MCRIP2: variants seen among roughly 807,000 people sequenced by gnomAD.
The protein encoded by MCRIP2 is MAPK regulated corepressor interacting protein 2.
In MCRIP2, 21 loss-of-function variants were observed where a neutral mutation model predicts 23.2. The ratio of observed to expected loss-of-function variants is 0.90; its 90% CI spans 0.64 to 1.30. The LOEUF is 1.30. Ranked by LOEUF, MCRIP2 falls within the 50% of genes most tolerant of loss-of-function variation. The probability of loss-of-function intolerance (pLI) is 0.00; values close to 1 mark genes in which losing one functional copy is unlikely to be tolerated. For missense variants in MCRIP2, 234 were observed against 223.2 expected (o/e 1.05, Z -0.31); for synonymous variants, 121 against 100.2 (o/e 1.21, Z -1.24).
At chr16:647,134 C>G (rs143137167) in intron 2 of MCRIP2, 37 of 468,938 alleles carry the variant, frequency 7.9e-5, no homozygotes, top group African/African-American at 7.2e-4. Context: ...GGGGCCCGAC[C>G]AAAGGTTTGG....
rs571522622 is a variant in MCRIP2 at position 646,066 on chromosome 16, G to C, written c.183-1351G>C. On this transcript the variant is annotated intron_variant, in intron 2 of 4. Coordinates refer to ENST00000307650, the MANE Select transcript of MCRIP2 (RefSeq NM_138418.4). This position sits in a 1 kb window ranked among gnomAD's most constrained non-coding sequence, Gnocchi z 6.5. ...ATCCATAGGTGCTCGCCGGGCCGGT[G>C]CCCTTTCCCCCAGAGAGCAGCAGCC... 1.3e-5 allele frequency: 2 copies of C among 152,346 alleles called. No homozygotes were observed. The highest frequency in any genetic ancestry group is 6.5e-5 in the Admixed American group (1 of 15,310). The allele number at this position is 152,346 out of a possible 1,614,324, so 9.4% of individuals were successfully genotyped here.
Position 642,189 on chromosome 16 carries a change from C to A in MCRIP2, c.122C>A (p.Thr41Asn). ...LLKCRQPAPPTSQPPRAQPFA... is the reference protein window; with the variant it reads ...LLKCRQPAPPNSQPPRAQPFA... ...AAATGCCGGCAGCCCGCGCCGCCGA[C>A]CTCGCAGCCCCCGCGGGCGCAGCCC... Residue 41 changes from threonine to asparagine, a missense_variant, in exon 2 of 5, where the codon ACC (threonine) becomes AAC (asparagine). Transcript: ENST00000307650. 3 of 1,329,794 alleles carry A rather than the reference C, an allele frequency of 2.3e-6. No homozygotes were observed. Among genetic ancestry groups the A allele is most frequent in the Non-Finnish European group, 2.9e-6 (3 of 1,037,014 alleles). The allele number at this position is 1,329,794 out of a possible 1,614,324, so 82.4% of individuals were successfully genotyped here.
In MCRIP2 at chr16:642,209, C is replaced by T; in HGVS notation, c.142C>T (p.Gln48Ter). Residue 48 changes from glutamine to a stop codon, truncating the protein, a stop_gained, in exon 2 of 5, where the codon CAG becomes TAG. Transcript: ENST00000307650. LOFTEE classifies it high-confidence loss of function. ...GCCGACCTCGCAGCCCCCGCGGGCG[C>T]AGCCCTTTGCGCAGCCGCCGGGACC... ...APPTSQPPRA[Q>*]PFAQPPGPWP... The T allele has an allele frequency of 1.5e-6, 2 of 1,293,944 alleles. No homozygotes were observed. The highest frequency in any genetic ancestry group is 9.8e-7 in the Non-Finnish European group (1 of 1,020,376). The allele number at this position is 1,293,944 out of a possible 1,614,324, so 80.2% of individuals were successfully genotyped here.
chr16:647,692 T>G (rs2037524684), intron 3 of MCRIP2, 91 bp from the exon 4 acceptor site: 6 of 1,498,794 alleles, frequency 4.0e-6, no homozygotes, highest in African/African-American at 1.4e-5. Flanking sequence ...ACCAGCCCTG[T>G]GTGGGGCTGG....
chr16:643,779 G>A (rs566075394), intron 2 of MCRIP2, among the ~76,000 whole-genome samples: 10 of 152,138 alleles, frequency 6.6e-5, no homozygotes, highest in African/African-American at 2.2e-4. Context: ...TGATCCACCC[G>A]CCTCAGCCCC....
At chr16:645,888 GCTCAGGTGGATTCT>G (rs2037468504) in intron 2 of MCRIP2, 1 of 152,304 alleles carries the variant, frequency 6.6e-6, no homozygotes, top group South Asian at 2.1e-4. Context: ...CATGTAATAT[GCTCAGGTGGATTCT>G]CTCCCAAGCC....
At chr16:647,260 C>T in intron 2 of MCRIP2, 157 bp from the exon 3 acceptor site, 1 of 1,007,744 alleles carries the variant, frequency 9.9e-7, no homozygotes, top group South Asian at 1.6e-5. Context: ...GCCTGGGCCA[C>T]CGGCTGCTGT....
At position 642,248 on chromosome 16, in the gene MCRIP2, A is replaced by C. The variant is rs1016429151; in HGVS notation, c.181A>C (p.Ser61Arg). The C allele has an allele frequency of 1.7e-6, 2 of 1,188,028 alleles. No individual in the cohort carries two copies. Among genetic ancestry groups the C allele is most frequent in the Non-Finnish European group, 2.1e-6 (2 of 960,940 alleles). 73.6% of individuals were successfully genotyped at this position (1,188,028 alleles called of 1,614,324 possible). A position where few individuals can be genotyped will look rare whatever the true frequency, so the allele number is the denominator to read the frequency against. ...AQPPGPWPLS[S>R]PGPRLVFNRV... Reference sequence around the variant, plus strand: ...GCCGCCGGGACCCTGGCCCCTGTCGAGGTGAGACGCGCGCGGCCCCGGCCC... The same window carrying C: ...GCCGCCGGGACCCTGGCCCCTGTCGCGGTGAGACGCGCGCGGCCCCGGCCC... The change falls in exon 2 of 5, where the codon AGT (serine) becomes CGT (arginine). Residue 61 changes from serine (S) to arginine (R), a missense_variant and splice_region_variant. Coordinates refer to ENST00000307650, the MANE Select transcript of MCRIP2 (RefSeq NM_138418.4).
Position 642,011 on chromosome 16 carries a change from G to GGCCCA in MCRIP2, c.23_27dup (p.Lys10ProfsTer25), listed in dbSNP as rs1330748215. 8 of 1,328,830 alleles carry GGCCCA rather than the reference G, an allele frequency of 6.0e-6. No homozygotes were observed. The highest frequency in any genetic ancestry group is 7.7e-6 in the Non-Finnish European group (8 of 1,041,454). 82.3% of individuals were successfully genotyped at this position (1,328,830 alleles called of 1,614,324 possible). On this transcript the variant is annotated frameshift_variant, in exon 1 of 5. Coordinates refer to ENST00000307650, the MANE Select transcript of MCRIP2 (RefSeq NM_138418.4). LOFTEE classifies it high-confidence loss of function. ...CGCGTCATGTACACCATCACCAAGG[G>GGCCCA]GCCCAGCAAGCTGGTCGCGCAGCGC...
intron 3 of MCRIP2, 52 bp downstream of exon 3, chr16:647,596 T>G (rs1190469318): frequency 2.5e-6 from 4 of 1,601,380 alleles, no homozygotes; most frequent in Non-Finnish European, 3.4e-6. Flanking sequence ...CGCAAAACCA[T>G]GGACCCGGGA....
Position 641,874 on chromosome 16 carries a change from C to A in MCRIP2, c.-118C>A. 1.0e-6 allele frequency: 1 copy of A among 952,708 alleles called. No individual in the cohort carries two copies. The highest frequency in any genetic ancestry group is 1.4e-6 in the Non-Finnish European group (1 of 734,426). 59.0% of individuals were successfully genotyped at this position (952,708 alleles called of 1,614,324 possible). ...CGAGCCCGTGCGGGCCCTTTAAGGG[C>A]CGGGGGCGTGTAGCGGGCCCGCCCC... On this transcript the variant is annotated 5_prime_UTR_variant, in exon 1 of 5. Transcript: ENST00000307650.
Position 646,217 on chromosome 16 carries a change from CCAACCTCCAAG to C in MCRIP2, c.183-1198_183-1188del, listed in dbSNP as rs1431544562. 1 of 152,236 alleles carries C rather than the reference CCAACCTCCAAG, an allele frequency of 6.6e-6. No individual in the cohort carries two copies. The highest frequency in any genetic ancestry group is 2.4e-5 in the African/African-American group (1 of 41,458). The allele number at this position is 152,236 out of a possible 1,614,324, so 9.4% of individuals were successfully genotyped here. A position where few individuals can be genotyped will look rare whatever the true frequency, so the allele number is the denominator to read the frequency against. On this transcript the variant is annotated intron_variant, in intron 2 of 4. Coordinates refer to ENST00000307650, the MANE Select transcript of MCRIP2 (RefSeq NM_138418.4). The surrounding 1 kb of genome is among the most constrained non-coding windows in gnomAD (Gnocchi z 6.5). ...TCTTGTCTTCTTAGACATTGATAAT[CCAACCTCCAAG>C]CTTTCTTGGAGTTTCTGGCTTTCCG...
intron 2 of MCRIP2, 105 bp from the exon 3 acceptor site, chr16:647,312 C>A: frequency 6.5e-7 from 1 of 1,530,314 alleles, no homozygotes; most frequent in Non-Finnish European, 8.8e-7. Context: ...CTAGGCTGGC[C>A]AAGTCTGGGG....
At chr16:642,920 C>T (rs1484692431) in intron 2 of MCRIP2, 1 of 152,604 alleles carries the variant, frequency 6.6e-6, no homozygotes, top group African/African-American at 2.4e-5. Context: ...TGTGCCTCTC[C>T]CAGGCCTGTG....
At chr16:642,650 TG>T (rs1369851585) in intron 2 of MCRIP2, 2 of 153,242 alleles carry the variant, frequency 1.3e-5, no homozygotes, top group South Asian at 2.1e-4. Context: ...CAGAGCTCAG[TG>T]GGGGAGACGT....
At chr16:643,906 G>A (rs1458616192) in intron 2 of MCRIP2, among the ~76,000 whole-genome samples, 4 of 152,128 alleles carry the variant, frequency 2.6e-5, no homozygotes, top group East Asian at 1.9e-4. Flanking sequence ...GCTTCACCCC[G>A]TGTGCAGTGG....
At chr16:644,412 T>C (rs55683623) in intron 2 of MCRIP2, among the ~76,000 whole-genome samples, 4,105 of 152,154 alleles carry the variant, frequency 0.027, 180 homozygotes, top group African/African-American at 0.092. Context: ...CCCCACCCCA[T>C]GCTGCCACCC....
At chr16:647,194 G>A (rs2037504699) in intron 2 of MCRIP2, 1 of 604,524 alleles carries the variant, frequency 1.7e-6, no homozygotes, top group African/African-American at 1.9e-5. Context: ...CTTCCCTCAG[G>A]ACACAGGGCT....
chr16:644,809 G>C (rs746123462), intron 2 of MCRIP2, among the ~76,000 whole-genome samples: 5 of 151,574 alleles, frequency 3.3e-5, no homozygotes, highest in Non-Finnish European at 5.9e-5. Flanking sequence ...GCGCGGGAGG[G>C]GGGTGTCGGG....
Sources: allele counts gnomAD v4.1 joint callset (sites outside exome capture counted in the v4.1 genomes callset), GRCh38; gene constraint gnomAD v4.1.1; non-coding constraint Gnocchi (gnomAD v3.1); transcripts MANE v1.5; gene names NCBI Gene and HGNC (gene_info 2026-07-23, HGNC 2026-07-21).